The following NLGN1 variants were observed in gnomAD, a reference collection of about 807,000 sequenced individuals.
The protein encoded by NLGN1 is neuroligin 1, also known as neuroligin-1.
NLGN1 carries 12 observed loss-of-function variants against 65.5 expected under a neutral mutation model. That is an observed-to-expected ratio of 0.18 (90% confidence interval 0.12 to 0.30). NLGN1 has a LOEUF of 0.30. Ranked by LOEUF, NLGN1 falls within the 10% of genes least tolerant of loss-of-function variation. The pLI is 1.00. For synonymous variants in NLGN1, 350 were observed against 359.5 expected (o/e 0.97, Z 0.30); for missense variants, 750 against 1,007.1 (o/e 0.74, Z 3.46).
chr3:173,613,180 C>T (rs1752567317), intron 3 of NLGN1, among the ~76,000 whole-genome samples: 2 of 152,076 alleles, frequency 1.3e-5, no homozygotes, highest in Non-Finnish European at 1.5e-5. Flanking sequence ...AGGACATTGC[C>T]ACTTTTTTCC....
chr3:174,089,439 C>A (rs1190476318), intron 4 of NLGN1, among the ~76,000 whole-genome samples: 2 of 152,066 alleles, frequency 1.3e-5, no homozygotes, highest in Non-Finnish European at 2.9e-5. Flanking sequence ...GGACATAAAA[C>A]CTAGAGTCCA....
At chr3:173,969,064 T>TA (rs35287367) in intron 4 of NLGN1, among the ~76,000 whole-genome samples, 27 of 150,266 alleles carry the variant, frequency 1.8e-4, no homozygotes, top group Non-Finnish European at 2.8e-4. Context: ...CAAGAAGATT[T>TA]AAAAAAAAAA....
chr3:173,826,930 CAAAT>C (rs747969852), intron 4 of NLGN1, among the ~76,000 whole-genome samples: 7 of 151,802 alleles, frequency 4.6e-5, no homozygotes, highest in Non-Finnish European at 7.4e-5. Flanking sequence ...ATATAGGAAA[CAAAT>C]AAACAAAACA....
intron 4 of NLGN1, among the ~76,000 whole-genome samples, chr3:174,109,564 T>C (rs1282648770): frequency 6.6e-6 from 1 of 152,092 alleles, no homozygotes; most frequent in African/African-American, 2.4e-5. Context: ...TTTTCTCTTT[T>C]TCATATAATA....
chr3:174,138,645 A>G (rs1187509090), intron 4 of NLGN1, among the ~76,000 whole-genome samples: 3 of 151,946 alleles, frequency 2.0e-5, no homozygotes, highest in South Asian at 2.1e-4. Flanking sequence ...CGTGTTAGCC[A>G]GGATGGTCTT....
At chr3:173,894,818 G>C (rs1006247867) in intron 4 of NLGN1, among the ~76,000 whole-genome samples, 2 of 151,510 alleles carry the variant, frequency 1.3e-5, no homozygotes, top group Admixed American at 1.3e-4. Flanking sequence ...TGTAATTTTA[G>C]TAGAGACAGG....
intron 2 of NLGN1, among the ~76,000 whole-genome samples, chr3:173,545,196 T>C (rs1739583424): frequency 6.6e-6 from 1 of 152,094 alleles, no homozygotes; most frequent in Non-Finnish European, 1.5e-5. Context: ...TGCCTCAACC[T>C]CCCAAGTAGC....
At chr3:174,099,680 C>T (rs1711944452) in intron 4 of NLGN1, among the ~76,000 whole-genome samples, 1 of 151,970 alleles carries the variant, frequency 6.6e-6, no homozygotes, top group Admixed American at 6.6e-5. Context: ...ACCATTTTAG[C>T]CTTTTAGTAT....
In NLGN1 at chr3:173,813,495, G is replaced by A. The variant is rs867250708; in HGVS notation, c.646+5663G>A. Among the ~76,000 whole-genome samples, 3 of 152,182 alleles carry A rather than the reference G, an allele frequency of 2.0e-5. No individual in the cohort carries two copies. The South Asian group carries it at 6.2e-4, about 32-fold the overall frequency. On this transcript the variant is annotated intron_variant, in intron 4 of 6. Transcript: ENST00000457714. ...TTTCATGGAAATGGTGGTACCGGAG[G>A]AAGGCCACAAAGAGTGGAGTATCCT... is the stretch of plus-strand genomic sequence containing the variant.
intron 2 of NLGN1, among the ~76,000 whole-genome samples, chr3:173,539,558 A>AAT (rs1023237439): frequency 1.4e-5 from 2 of 143,332 alleles, no homozygotes; most frequent in East Asian, 2.0e-4. Flanking sequence ...ATATATACAT[A>AAT]ATATATATAA....
intron 4 of NLGN1, among the ~76,000 whole-genome samples, chr3:174,052,755 A>G (rs1338287712): frequency 6.6e-6 from 1 of 152,042 alleles, no homozygotes; most frequent in Non-Finnish European, 1.5e-5. Flanking sequence ...TGTCACTGAC[A>G]CTAATGGCAG....
intron 4 of NLGN1, among the ~76,000 whole-genome samples, chr3:174,132,176 T>C (rs1187613693): frequency 6.6e-6 from 1 of 152,190 alleles, no homozygotes; most frequent in Non-Finnish European, 1.5e-5. Flanking sequence ...AAGACTTGCT[T>C]TCACTTTAAC....
intron 4 of NLGN1, among the ~76,000 whole-genome samples, chr3:174,245,971 T>C (rs1285682770): frequency 6.6e-6 from 1 of 152,224 alleles, no homozygotes; most frequent in Non-Finnish European, 1.5e-5. Flanking sequence ...CCATTGTCAA[T>C]TTGATTCAAT....
At chr3:173,538,195 T>G (rs1477260866) in intron 2 of NLGN1, among the ~76,000 whole-genome samples, 1 of 152,174 alleles carries the variant, frequency 6.6e-6, no homozygotes, top group Non-Finnish European at 1.5e-5. Context: ...GGATGCTGAT[T>G]CAGACCGCAT....
intron 4 of NLGN1, among the ~76,000 whole-genome samples, chr3:173,911,797 C>G (rs1448160670): frequency 6.6e-6 from 1 of 152,138 alleles, no homozygotes; most frequent in Middle Eastern, 3.2e-3. Flanking sequence ...GAAAGCATCC[C>G]TTTGTTTCCT....
At chr3:173,457,671 G>A (rs1426052509) in intron 2 of NLGN1, among the ~76,000 whole-genome samples, 3 of 152,190 alleles carry the variant, frequency 2.0e-5, no homozygotes, top group Middle Eastern at 3.4e-3. Flanking sequence ...ATGATGTCAC[G>A]GTAGTCTTGC....
chr3:174,155,369 C>T (rs560531252), intron 4 of NLGN1, among the ~76,000 whole-genome samples: 3 of 151,590 alleles, frequency 2.0e-5, no homozygotes, highest in Non-Finnish European at 4.4e-5. Flanking sequence ...AGACATTAGT[C>T]TTTGAGGTAC....
At chr3:173,623,388 G>A (rs1473586363) in intron 3 of NLGN1, among the ~76,000 whole-genome samples, 1 of 152,060 alleles carries the variant, frequency 6.6e-6, no homozygotes, top group Non-Finnish European at 1.5e-5. Flanking sequence ...GAGTTAAAAG[G>A]GAGGAGGAGT....
chr3:173,679,702 C>T (rs993537438), intron 3 of NLGN1, among the ~76,000 whole-genome samples: 1 of 152,060 alleles, frequency 6.6e-6, no homozygotes, highest in African/African-American at 2.4e-5. Flanking sequence ...AAGACTTTTT[C>T]AAGAGTGAGT....
Sources: gnomAD v4.1 joint callset for allele counts (sites outside exome capture counted in the v4.1 genomes callset) on GRCh38, gnomAD v4.1.1 for gene constraint, MANE v1.5 for transcripts, NCBI Gene and HGNC (gene_info 2026-07-23, HGNC 2026-07-21) for gene names.